The following PGCKA1 variants were observed in gnomAD, a reference collection of about 807,000 sequenced individuals.
The protein encoded by PGCKA1 is PDCD10 and GCKIII kinases associated 1.
chr4:37,566,995 A>G, the PGCKA1 span, among the ~76,000 whole-genome samples: 1 of 152,150 alleles, frequency 6.6e-6, no homozygotes, highest in Admixed American at 6.5e-5. Flanking sequence ...GCCCAAATCT[A>G]GAGAATCCAG....
chr4:37,509,913 G>A, the PGCKA1 span, among the ~76,000 whole-genome samples: 3 of 149,898 alleles, frequency 2.0e-5, no homozygotes, highest in Admixed American at 6.6e-5. Flanking sequence ...GATGGTGGCA[G>A]TACAGTCCAG....
At chr4:37,487,127 C>T in the PGCKA1 span, among the ~76,000 whole-genome samples, 2 of 152,136 alleles carry the variant, frequency 1.3e-5, no homozygotes, top group African/African-American at 4.8e-5. Flanking sequence ...GGGCCAAGAA[C>T]CACATGAAAT....
the PGCKA1 span, among the ~76,000 whole-genome samples, chr4:37,501,151 T>C: frequency 6.6e-6 from 1 of 152,188 alleles, no homozygotes; most frequent in South Asian, 2.1e-4. Context: ...TTTGATCCTG[T>C]CATCATGATG....
the PGCKA1 span, among the ~76,000 whole-genome samples, chr4:37,586,018 T>C: frequency 6.6e-6 from 1 of 151,700 alleles, no homozygotes; most frequent in Non-Finnish European, 1.5e-5. Flanking sequence ...TCTTGGATAC[T>C]AGACCTCCAT....
chr4:37,505,513 A>G, the PGCKA1 span, among the ~76,000 whole-genome samples: 15,318 of 152,214 alleles, frequency 0.1, 1,003 homozygotes, highest in South Asian at 0.24. Flanking sequence ...GGCAATTTAC[A>G]AAAGAAACAG....
the PGCKA1 span, among the ~76,000 whole-genome samples, chr4:37,564,918 G>A: frequency 1.3e-4 from 20 of 152,116 alleles, no homozygotes; most frequent in African/African-American, 4.8e-4. Flanking sequence ...ATGACCCAGT[G>A]CCCTGTGCTC....
chr4:37,512,224 G>A, the PGCKA1 span, among the ~76,000 whole-genome samples: 2 of 151,720 alleles, frequency 1.3e-5, no homozygotes, highest in African/African-American at 4.9e-5. Context: ...TCCTATGATG[G>A]TGTTCCCTTT....
chr4:37,543,664 T>TA, the PGCKA1 span, among the ~76,000 whole-genome samples: 1 of 4,838 alleles, frequency 2.1e-4, no homozygotes, highest in Non-Finnish European at 1.3e-3. Flanking sequence ...CCATCTCTAC[T>TA]GAAAAAAAAA....
chr4:37,468,626 A>G, the PGCKA1 span, among the ~76,000 whole-genome samples: 2 of 152,158 alleles, frequency 1.3e-5, no homozygotes, highest in Admixed American at 1.3e-4. Context: ...CCCATTTTGC[A>G]AATTTGGTGT....
the PGCKA1 span, among the ~76,000 whole-genome samples, chr4:37,568,639 G>C: frequency 5.9e-5 from 9 of 152,324 alleles, no homozygotes; most frequent in East Asian, 1.7e-3. Flanking sequence ...TGTGGACGTA[G>C]GACCCAGAGG....
At chr4:37,473,552 G>A in the PGCKA1 span, among the ~76,000 whole-genome samples, 2 of 152,174 alleles carry the variant, frequency 1.3e-5, no homozygotes, top group African/African-American at 4.8e-5. Context: ...AAGATTTATA[G>A]TTGATCTCAA....
the PGCKA1 span, among the ~76,000 whole-genome samples, chr4:37,507,369 C>T: frequency 6.6e-6 from 1 of 151,888 alleles, no homozygotes; most frequent in East Asian, 1.9e-4. Flanking sequence ...TTTCTTCCTT[C>T]CTGTCTTCCA....
chr4:37,460,379 T>A, the PGCKA1 span: 1 of 278,636 alleles, frequency 3.6e-6, no homozygotes, highest in Non-Finnish European at 7.1e-6. Flanking sequence ...GGTTGAATGG[T>A]ATTTCTGGTT....
At chr4:37,593,175 C>T in the PGCKA1 span, among the ~76,000 whole-genome samples, 1 of 152,174 alleles carries the variant, frequency 6.6e-6, no homozygotes, top group South Asian at 2.1e-4. Context: ...TTTCAGAATG[C>T]TTATTCCTTC....
the PGCKA1 span, among the ~76,000 whole-genome samples, chr4:37,467,207 T>C: frequency 6.6e-6 from 1 of 152,222 alleles, no homozygotes; most frequent in African/African-American, 2.4e-5. Flanking sequence ...TCTTAAGTTT[T>C]TAAAAACTTG....
the PGCKA1 span, among the ~76,000 whole-genome samples, chr4:37,499,363 G>C: frequency 6.6e-6 from 1 of 151,882 alleles, no homozygotes; most frequent in Non-Finnish European, 1.5e-5. Flanking sequence ...AGTCCCTTTG[G>C]AATAGTTTCA....
chr4:37,543,568 G>A, the PGCKA1 span, among the ~76,000 whole-genome samples: 5 of 151,950 alleles, frequency 3.3e-5, no homozygotes, highest in South Asian at 2.1e-4. Context: ...CTGGCTGGGC[G>A]CGGTGGCTCA....
the PGCKA1 span, among the ~76,000 whole-genome samples, chr4:37,494,115 G>A: frequency 6.6e-5 from 10 of 152,120 alleles, no homozygotes; most frequent in East Asian, 3.9e-4. Flanking sequence ...TGGATTGCAC[G>A]GTAGCTCTAT....
chr4:37,591,199 T>C, the PGCKA1 span: 2 of 520,090 alleles, frequency 3.8e-6, no homozygotes, highest in African/African-American at 1.9e-5. Flanking sequence ...TCTGTGTAGA[T>C]GAGCTGTCAT....
Sources: gnomAD v4.1 joint callset for allele counts (sites outside exome capture counted in the v4.1 genomes callset) on GRCh38, gnomAD v4.1.1 for gene constraint, MANE v1.5 for transcripts, NCBI Gene and HGNC (gene_info 2026-07-23, HGNC 2026-07-21) for gene names.